TTBK2: variants seen among roughly 807,000 people sequenced by gnomAD.
TTBK2 encodes tau tubulin kinase 2.
Under a neutral mutation model 110.8 loss-of-function variants are expected in TTBK2, and 28 were observed. The observed-to-expected ratio is 0.25, with a 90% confidence interval of 0.19 to 0.35. The LOEUF (loss-of-function observed/expected upper bound fraction) is 0.35, where lower values mean the gene tolerates loss of function less well. TTBK2 is among the 10% of genes least tolerant of loss of function. TTBK2 has a pLI of 1.00. For missense variants in TTBK2, 1,369 were observed against 1,500.3 expected, an observed-to-expected ratio of 0.91 and a Z score of 1.45; for synonymous variants, 532 against 527.3, an observed-to-expected ratio of 1.01 and a Z score of -0.12.
intron 1 of TTBK2, among the ~76,000 whole-genome samples, chr15:42,880,750 T>C (rs1161438093): frequency 6.6e-6 from 1 of 152,070 alleles, no homozygotes; most frequent in Non-Finnish European, 1.5e-5. Context: ...CTCCCTTGTA[T>C]ATCACACAAT....
chr15:42,763,175 T>TATATATAC lies in TTBK2; in HGVS notation c.1999-9929_1999-9928insGTATATAT, dbSNP rs1567008945. Among the ~76,000 whole-genome samples, 5 of 19,088 alleles carry TATATATAC rather than the reference T, an allele frequency of 2.6e-4. No individual in the cohort carries two copies. The East Asian group carries it at 4.3e-3, about 16-fold the overall frequency. 12.5% of individuals were successfully genotyped at this position (19,088 alleles called of 152,430 possible). A position where few individuals can be genotyped will look rare whatever the true frequency, so the allele number is the denominator to read the frequency against. ...ATATATACATATATATATATATATA[T>TATATATAC]ATATATATATATATATATTTTTTTT... On this transcript the variant is annotated intron_variant, in intron 13 of 14. Transcript: ENST00000267890.
Position 42,746,015 on chromosome 15 carries a change from C to T in TTBK2, c.3515G>A (p.Gly1172Glu). 1 of 1,614,182 alleles carries T rather than the reference C, an allele frequency of 6.2e-7. No individual in the cohort carries two copies. The highest frequency in any genetic ancestry group is 8.5e-7 in the Non-Finnish European group (1 of 1,180,044). ...RTSSSSPSRA[G>E]RPHHDQRSSS... ...ACTCCTCTGGTCATGGTGGGGCCGT[C>T]CAGCCCTAGATGGTGAGGAACTAGA... is the stretch of plus-strand genomic sequence containing the variant. Residue 1172 changes from glycine to glutamate, a missense_variant, in exon 15 of 15, where the codon GGA becomes GAA. Gly to Glu is a moderately conservative substitution (Grantham distance 98). Coordinates refer to ENST00000267890, the MANE Select transcript of TTBK2 (RefSeq NM_173500.4).
intron 13 of TTBK2, among the ~76,000 whole-genome samples, chr15:42,755,165 C>T (rs1006235739): frequency 6.6e-6 from 1 of 151,926 alleles, no homozygotes; most frequent in East Asian, 1.9e-4. Flanking sequence ...TTTCACGTCA[C>T]CTAAAGTGAC....
intron 13 of TTBK2, among the ~76,000 whole-genome samples, chr15:42,762,328 G>T (rs2062040295): frequency 6.6e-6 from 1 of 152,208 alleles, no homozygotes; most frequent in Non-Finnish European, 1.5e-5. Flanking sequence ...ATATTGAAGA[G>T]ATATCTGCAC....
intron 3 of TTBK2, among the ~76,000 whole-genome samples, chr15:42,857,942 G>A (rs1300631767): frequency 6.6e-6 from 1 of 152,018 alleles, no homozygotes; most frequent in Non-Finnish European, 1.5e-5. Flanking sequence ...AATTAGCCAG[G>A]CATGGTGGCA....
At chr15:42,866,967 G>A (rs924835102) in intron 3 of TTBK2, among the ~76,000 whole-genome samples, 5 of 152,144 alleles carry the variant, frequency 3.3e-5, no homozygotes, top group South Asian at 2.1e-4. Flanking sequence ...GATCTAGGCC[G>A]GGCGCAGTGG....
chr15:42,910,178 C>T (rs1475364126), intron 1 of TTBK2, among the ~76,000 whole-genome samples: 3 of 151,682 alleles, frequency 2.0e-5, no homozygotes, highest in African/African-American at 4.8e-5. Flanking sequence ...GTTATATAAA[C>T]CAGAAACAGA....
chr15:42,828,109 G>A, intron 5 of TTBK2, 77 bp from the exon 6 acceptor site: 3 of 1,165,798 alleles, frequency 2.6e-6, no homozygotes. Context: ...TACATTTTAA[G>A]TCTTCTTCTA....
intron 1 of TTBK2, among the ~76,000 whole-genome samples, chr15:42,903,683 C>T (rs1356138892): frequency 1.3e-5 from 2 of 152,180 alleles, no homozygotes; most frequent in African/African-American, 4.8e-5. Context: ...CTGACTGCTT[C>T]TAAAAATGGC....
At chr15:42,838,420 T>C (rs932610498) in intron 4 of TTBK2, among the ~76,000 whole-genome samples, 3 of 151,230 alleles carry the variant, frequency 2.0e-5, no homozygotes, top group Non-Finnish European at 4.4e-5. Flanking sequence ...TCAGAAAAAA[T>C]AGAAAGGTTT....
chr15:42,837,216 G>A (rs1467079730), intron 4 of TTBK2, among the ~76,000 whole-genome samples: 1 of 151,768 alleles, frequency 6.6e-6, no homozygotes, highest in African/African-American at 2.4e-5. Context: ...AAATTAGACA[G>A]GTGTGGCGGC....
chr15:42,917,304 T>A (rs2031133821), intron 1 of TTBK2, among the ~76,000 whole-genome samples: 1 of 151,968 alleles, frequency 6.6e-6, no homozygotes, highest in South Asian at 2.1e-4. Context: ...CACTTAAGCA[T>A]CAAGAATAAA....
Position 42,916,628 on chromosome 15 carries a change from G to A in TTBK2, c.-68+3810C>T, listed in dbSNP as rs150411079. Among the ~76,000 whole-genome samples, 15 of 152,280 alleles carry A rather than the reference G, an allele frequency of 9.9e-5. No individual in the cohort carries two copies. The East Asian group carries it at 2.9e-3, about 29-fold the overall frequency. On this transcript the variant is annotated intron_variant, in intron 1 of 14. Coordinates refer to ENST00000267890, the MANE Select transcript of TTBK2 (RefSeq NM_173500.4). ...TTACACGTGTGAGCCACCACACCCG[G>A]CTGAAAAATGGTGATAAAACTTTTA...
intron 3 of TTBK2, among the ~76,000 whole-genome samples, chr15:42,864,509 G>A (rs142029221): frequency 2.7e-3 from 411 of 152,018 alleles, no homozygotes; most frequent in African/African-American, 9.4e-3. Flanking sequence ...CCTTGAACCC[G>A]GGAGGCAAAG....
intron 7 of TTBK2, among the ~76,000 whole-genome samples, chr15:42,813,654 A>G (rs754811539): frequency 4.6e-5 from 7 of 152,120 alleles, no homozygotes; most frequent in Admixed American, 3.3e-4. Context: ...AGACCAGCCT[A>G]GGCAACACAG....
intron 1 of TTBK2, among the ~76,000 whole-genome samples, chr15:42,914,892 C>T (rs2030991091): frequency 6.6e-6 from 1 of 152,228 alleles, no homozygotes; most frequent in South Asian, 2.1e-4. Context: ...ATCTTCCCTT[C>T]ATAATACCTG....
chr15:42,801,243 T>C (rs775672195), intron 9 of TTBK2: 2 of 1,537,246 alleles, frequency 1.3e-6, no homozygotes, highest in Non-Finnish European at 1.8e-6. Context: ...CAGCTTCCTG[T>C]AGGTGGCGAT....
At chr15:42,895,854 A>C (rs916230620) in intron 1 of TTBK2, among the ~76,000 whole-genome samples, 4 of 151,934 alleles carry the variant, frequency 2.6e-5, no homozygotes, top group Admixed American at 1.3e-4. Context: ...AGATTCCATT[A>C]CCACTATCTA....
chr15:42,816,634 C>A (rs956765034), intron 7 of TTBK2, among the ~76,000 whole-genome samples: 3 of 152,108 alleles, frequency 2.0e-5, no homozygotes, highest in African/African-American at 7.2e-5. Flanking sequence ...AACTCTCAAG[C>A]ACTTTCCACA....
Sources: allele counts gnomAD v4.1 joint callset (sites outside exome capture counted in the v4.1 genomes callset), GRCh38; gene constraint gnomAD v4.1.1; transcripts MANE v1.5; gene names NCBI Gene and HGNC (gene_info 2026-07-23, HGNC 2026-07-21).